Variants in LPP observed in about 807,000 individuals in gnomAD.
LPP encodes the protein LIM domain containing preferred translocation partner in lipoma.
LPP carries 38 observed loss-of-function variants against 60.4 expected under a neutral mutation model. The observed-to-expected ratio is 0.63, with a 90% confidence interval of 0.49 to 0.83. The LOEUF (loss-of-function observed/expected upper bound fraction) is 0.83, where lower values mean the gene tolerates loss of function less well. LPP is among the 40% of genes least tolerant of loss of function. LPP has a pLI of 0.00. For synonymous variants in LPP, 328 were observed against 290.8 expected (o/e 1.13, Z -1.30); for missense variants, 902 against 783.6 (o/e 1.15, Z -1.80).
intron 2 of LPP, among the ~76,000 whole-genome samples, chr3:188,307,019 A>T (rs1195180324): frequency 1.3e-5 from 2 of 152,246 alleles, no homozygotes; most frequent in Non-Finnish European, 2.9e-5. Context: ...TCTTCTGTGC[A>T]TATTTTTAAC....
intron 10 of LPP, among the ~76,000 whole-genome samples, chr3:188,869,322 C>G (rs1767469024): frequency 6.6e-6 from 1 of 152,162 alleles, no homozygotes; most frequent in Admixed American, 6.5e-5. Flanking sequence ...TGGAGTCTCA[C>G]TCTTGTCACC....
intron 6 of LPP, among the ~76,000 whole-genome samples, chr3:188,575,229 T>C (rs2150903387): frequency 6.6e-6 from 1 of 152,250 alleles, no homozygotes; most frequent in East Asian, 1.9e-4. Context: ...TTCAGAAGCT[T>C]TCAGGATGCT....
chr3:188,879,198 A>T lies in LPP; in HGVS notation c.*4719A>T, dbSNP rs1448659738. On this transcript the variant is annotated 3_prime_UTR_variant, in exon 12 of 12. Transcript: ENST00000617246. Reference sequence around the variant, plus strand: ...CATAGCCTTATTTCAAACCTTAAAAAGTTACCTGACTGAAGCTACTATGAC... The same window carrying T: ...CATAGCCTTATTTCAAACCTTAAAATGTTACCTGACTGAAGCTACTATGAC... The T allele has an allele frequency of 4.3e-6, 1 of 230,942 alleles. No homozygotes were observed. The highest frequency in any genetic ancestry group is 5.6e-5 in the Admixed American group (1 of 17,722). The allele number at this position is 230,942 out of a possible 1,614,324, so 14.3% of individuals were successfully genotyped here. A position where few individuals can be genotyped will look rare whatever the true frequency, so the allele number is the denominator to read the frequency against.
At chr3:188,172,518 G>A (rs1284381616) in intron 1 of LPP, among the ~76,000 whole-genome samples, 1 of 152,120 alleles carries the variant, frequency 6.6e-6, no homozygotes, top group Admixed American at 6.5e-5. Context: ...ACAAAATGGC[G>A]ATTTGGAAAA....
chr3:188,555,331 CA>C (rs1254747069), intron 6 of LPP, among the ~76,000 whole-genome samples: 5 of 152,024 alleles, frequency 3.3e-5, no homozygotes, highest in Admixed American at 6.6e-5. Context: ...AGATGGAGAG[CA>C]TTTGGAGTCA....
In LPP at chr3:188,179,902, T is replaced by C. The variant is rs1309845100; in HGVS notation, c.-190+25650T>C. On this transcript the variant is annotated intron_variant, in intron 1 of 11. Transcript: ENST00000617246. The stretch of plus-strand genomic sequence containing the variant: ...GCATCTGTGCCTGACTGGTCAGAAA[T>C]TACTTGTGAAGCAACATAGGGGGTT... The C allele has an allele frequency of 2.4e-5, 5 of 205,502 alleles. No individual in the cohort carries two copies. The South Asian group carries it at 3.9e-4, about 16-fold the overall frequency. The allele number at this position is 205,502 out of a possible 1,614,324, so 12.7% of individuals were successfully genotyped here. A position where few individuals can be genotyped will look rare whatever the true frequency, so the allele number is the denominator to read the frequency against.
intron 9 of LPP, among the ~76,000 whole-genome samples, chr3:188,814,052 A>C (rs1751817736): frequency 6.6e-6 from 1 of 152,146 alleles, no homozygotes; most frequent in Non-Finnish European, 1.5e-5. Flanking sequence ...AGCCTGGGCA[A>C]CAAAGTGAGA....
intron 2 of LPP, among the ~76,000 whole-genome samples, chr3:188,248,885 C>T (rs1728074191): frequency 6.6e-6 from 1 of 152,160 alleles, no homozygotes; most frequent in South Asian, 2.1e-4. Context: ...TAAAGCTCAT[C>T]TTCCAACTCT....
Position 188,609,084 on chromosome 3 carries a change from C to G in LPP, c.430-77C>G. On this transcript the variant is annotated intron_variant, in intron 6 of 11. Coordinates refer to ENST00000617246, the MANE Select transcript of LPP (RefSeq NM_001375462.1). The surrounding 1 kb of genome is among the most constrained non-coding windows in gnomAD (Gnocchi z 6.9). ...ATAATTAGCAGTTATTAATATTTTT[C>G]ATTTATTCATTTTTATTGAGTTTCG... 1.9e-6 allele frequency: 2 copies of G among 1,040,924 alleles called. No individual in the cohort carries two copies. The highest frequency in any genetic ancestry group is 2.8e-6 in the Non-Finnish European group (2 of 706,440). 64.5% of individuals were successfully genotyped at this position (1,040,924 alleles called of 1,614,324 possible).
intron 6 of LPP, among the ~76,000 whole-genome samples, chr3:188,537,333 T>C (rs1292107804): frequency 2.6e-5 from 4 of 152,140 alleles, no homozygotes; most frequent in Admixed American, 2.0e-4. Context: ...TCGTATCACA[T>C]GGGCAAAAGA....
At chr3:188,688,528 G>A (rs943372881) in intron 7 of LPP, among the ~76,000 whole-genome samples, 1 of 152,222 alleles carries the variant, frequency 6.6e-6, no homozygotes, top group African/African-American at 2.4e-5. Flanking sequence ...GGTACACAGA[G>A]GATGTGGAAG....
intron 9 of LPP, among the ~76,000 whole-genome samples, chr3:188,819,530 G>A (rs1438332903): frequency 2.6e-5 from 4 of 152,170 alleles, no homozygotes; most frequent in Admixed American, 2.6e-4. Flanking sequence ...TTGTTGAAGG[G>A]TATTGTAATA....
chr3:188,657,883 C>T (rs1359725974), intron 7 of LPP, among the ~76,000 whole-genome samples: 1 of 152,138 alleles, frequency 6.6e-6, no homozygotes, highest in Non-Finnish European at 1.5e-5. Context: ...AGCGTTGGTC[C>T]TCTCTTATAA....
At chr3:188,272,606 G>A (rs983779016) in intron 2 of LPP, among the ~76,000 whole-genome samples, 16 of 152,162 alleles carry the variant, frequency 1.1e-4, no homozygotes, top group African/African-American at 3.9e-4. Context: ...ACGATGACAC[G>A]GCAGAGTCAT....
intron 5 of LPP, among the ~76,000 whole-genome samples, chr3:188,486,169 T>G (rs1806448340): frequency 6.6e-6 from 1 of 152,082 alleles, no homozygotes; most frequent in African/African-American, 2.4e-5. Flanking sequence ...ATAAGAAGTG[T>G]AAAAGAGAAA....
intron 3 of LPP, among the ~76,000 whole-genome samples, chr3:188,390,581 G>A (rs866713055): frequency 9.3e-5 from 14 of 151,152 alleles, no homozygotes; most frequent in African/African-American, 3.2e-4. Context: ...GCTGGACCGG[G>A]TGCCAGAACT....
intron 9 of LPP, among the ~76,000 whole-genome samples, chr3:188,853,310 A>G (rs1376301817): frequency 6.6e-6 from 1 of 152,226 alleles, no homozygotes; most frequent in Non-Finnish European, 1.5e-5. Flanking sequence ...GTCATCTTTG[A>G]AAATTACAAC....
intron 9 of LPP, among the ~76,000 whole-genome samples, chr3:188,843,622 C>A (rs1376103764): frequency 3.3e-5 from 5 of 151,268 alleles, no homozygotes; most frequent in African/African-American, 1.2e-4. Flanking sequence ...CCCGTCTCTA[C>A]TAAAAATACA....
chr3:188,533,151 T>G (rs1246024646), intron 6 of LPP, among the ~76,000 whole-genome samples: 2 of 152,206 alleles, frequency 1.3e-5, no homozygotes, highest in African/African-American at 2.4e-5. Context: ...AGGGCTTGGG[T>G]GCAGTGTAAT....
Sources: allele counts gnomAD v4.1 joint callset (sites outside exome capture counted in the v4.1 genomes callset), GRCh38; gene constraint gnomAD v4.1.1; non-coding constraint Gnocchi (gnomAD v3.1); transcripts MANE v1.5; gene names NCBI Gene and HGNC (gene_info 2026-07-23, HGNC 2026-07-21).